The following NDRG2 variants were observed in gnomAD, a reference collection of about 807,000 sequenced individuals.
The protein encoded by NDRG2 is protein NDRG2.
Under a neutral mutation model 58.2 loss-of-function variants are expected in NDRG2, and 34 were observed. That is an observed-to-expected ratio of 0.58 (90% CI 0.44 to 0.78). The LOEUF (loss-of-function observed/expected upper bound fraction) is 0.78. Ranked by LOEUF, NDRG2 falls within the 30% of genes least tolerant of loss-of-function variation. The pLI is 0.00. For missense variants in NDRG2, 434 were observed against 471.2 expected (o/e 0.92, Z 0.73); for synonymous variants, 187 against 175.9 (o/e 1.06, Z -0.50).
At chr14:21,018,937 G>C in intron 11 of NDRG2, 123 bp from the exon 12 acceptor site, 6 of 1,342,462 alleles carry the variant, frequency 4.5e-6, no homozygotes, top group Non-Finnish European at 6.2e-6. Context: ...GTGTCTCCCT[G>C]CTGATGCCAC....
At chr14:21,026,882 AAAGG>A (rs1883704967), upstream of NDRG2, among the ~76,000 whole-genome samples, 1 of 152,186 alleles carries the variant, frequency 6.6e-6, no homozygotes, top group Non-Finnish European at 1.5e-5. Flanking sequence ...GGTCACAGCC[AAAGG>A]TGCGCAAGAC....
intron 1 of NDRG2, among the ~76,000 whole-genome samples, chr14:21,037,914 T>G (rs1474935309): frequency 6.6e-6 from 1 of 152,154 alleles, no homozygotes; most frequent in Non-Finnish European, 1.5e-5. Flanking sequence ...ATAGAACAAC[T>G]GGCTAGGGTG....
At chr14:21,068,318 GA>G (rs34795666) in intron 1 of NDRG2, among the ~76,000 whole-genome samples, 5,045 of 97,302 alleles carry the variant, frequency 0.052, 402 homozygotes, top group African/African-American at 0.068. Context: ...TTTTCTCCAT[GA>G]AAAAAAAAAA....
chr14:21,059,909 C>CACATAT (rs1885870390), intron 1 of NDRG2, among the ~76,000 whole-genome samples: 1 of 152,176 alleles, frequency 6.6e-6, no homozygotes, highest in Non-Finnish European at 1.5e-5. Flanking sequence ...ACATATTATA[C>CACATAT]ACATATACAC....
intron 5 of NDRG2, 36 bp downstream of exon 5, chr14:21,022,026 C>T (rs1321957647): frequency 6.2e-7 from 1 of 1,614,116 alleles, no homozygotes; most frequent in Non-Finnish European, 8.5e-7. Flanking sequence ...TCCTGTTCCT[C>T]ACAGTCTGGT....
intron 1 of NDRG2, among the ~76,000 whole-genome samples, chr14:21,037,522 G>A (rs1481529301): frequency 6.6e-6 from 1 of 152,250 alleles, no homozygotes; most frequent in Admixed American, 6.5e-5. Flanking sequence ...GTCACAACCA[G>A]GAGTTGCTAC....
At chr14:21,042,954 G>A (rs373061810) in intron 1 of NDRG2, 103 of 1,569,380 alleles carry the variant, frequency 6.6e-5, no homozygotes, top group Non-Finnish European at 8.1e-5. Context: ...CTGTCCCAGC[G>A]ACCCCTGCCC....
At chr14:21,025,421 T>C (rs1055902484), upstream of NDRG2, 272 of 985,488 alleles carry the variant, frequency 2.8e-4, no homozygotes, top group Non-Finnish European at 3.1e-4. This position sits in a 1 kb window ranked among gnomAD's most constrained non-coding sequence, Gnocchi z 5.1. Context: ...CTCTGGCTCC[T>C]TCCTTCGCCC....
At chr14:21,040,776 T>C (rs1345271091) in intron 1 of NDRG2, among the ~76,000 whole-genome samples, 1 of 152,218 alleles carries the variant, frequency 6.6e-6, no homozygotes, top group Non-Finnish European at 1.5e-5. Context: ...AATCACAAGT[T>C]CACTCTTATC....
intron 1 of NDRG2, among the ~76,000 whole-genome samples, chr14:21,053,068 A>G (rs1208023797): frequency 6.6e-6 from 1 of 152,212 alleles, no homozygotes; most frequent in African/African-American, 2.4e-5. Context: ...GGGCCTTACA[A>G]GGGGATAATC....
chr14:21,057,410 T>A (rs1252781973), intron 1 of NDRG2, among the ~76,000 whole-genome samples: 1 of 150,954 alleles, frequency 6.6e-6, no homozygotes, highest in Admixed American at 6.6e-5. Context: ...CACTCCAGCA[T>A]GGGCGACAAG....
At chr14:21,032,894 G>A (rs975339700) in intron 1 of NDRG2, 16 of 454,022 alleles carry the variant, frequency 3.5e-5, no homozygotes, top group East Asian at 2.8e-4. Context: ...GAGGGGGCTC[G>A]TGTGCCCTTC....
chr14:21,031,850 G>A (rs373591996), intron 1 of NDRG2: 36 of 1,594,042 alleles, frequency 2.3e-5, no homozygotes, highest in Middle Eastern at 3.3e-4. Context: ...ATATGACAGC[G>A]TAAGGAAAGG....
At chr14:21,027,273 T>C (rs1566483379), upstream of NDRG2, among the ~76,000 whole-genome samples, 2 of 152,184 alleles carry the variant, frequency 1.3e-5, no homozygotes, top group Admixed American at 1.3e-4. Flanking sequence ...ACAATCTCTG[T>C]CTAAACTCTT....
upstream of NDRG2, chr14:21,030,319 T>C (rs571983820): frequency 2.3e-6 from 1 of 443,208 alleles, no homozygotes; most frequent in South Asian, 2.9e-5. Context: ...ATAAAAGAGG[T>C]AGGGGAAAGA....
chr14:21,066,639 T>A (rs990870764), intron 1 of NDRG2, among the ~76,000 whole-genome samples: 7 of 152,152 alleles, frequency 4.6e-5, no homozygotes, highest in Non-Finnish European at 1.0e-4. Context: ...CAGCCTGATT[T>A]ATTTGGATTT....
rs765214875 is a variant in NDRG2 at position 21,033,841 on chromosome 14, C to T, written c.25-10520G>A. On this transcript the variant is annotated intron_variant, in intron 1 of 14. Transcript: ENST00000403829. ...AATTAAATTCCCGAATAGAGACCAG[C>T]GATACCTATTGGATCAGCTTCATAC... 2.9e-5 allele frequency: 46 copies of T among 1,612,176 alleles called. No homozygotes were observed. In the East Asian group the frequency reaches 3.6e-4, roughly 12 times the overall value.
rs746181403 is a variant in NDRG2 at position 21,017,716 on chromosome 14, A to G, written c.996T>C (p.Ser332=). The change falls in exon 16 of 16, where the codon TCT becomes TCC. Residue 332 remains serine (S), a synonymous_variant. Coordinates refer to ENST00000556147, the MANE Select transcript of NDRG2 (RefSeq NM_001320329.2). ...CATCAACGGATGCTGCACTGGTCAGAGAGGCTGTACGAGACCGGGACAGGC... is the reference window on the plus strand; with the variant it reads ...CATCAACGGATGCTGCACTGGTCAGGGAGGCTGTACGAGACCGGGACAGGC... ...MTRLSRSRTA[S]LTSAASVDGN... 5.0e-6 allele frequency: 8 copies of G among 1,605,416 alleles called. No homozygotes were observed. The highest frequency in any genetic ancestry group is 6.0e-6 in the Non-Finnish European group (7 of 1,175,822).
At chr14:21,040,992 T>TTTGC (rs1884867794) in intron 1 of NDRG2, among the ~76,000 whole-genome samples, 1 of 151,742 alleles carries the variant, frequency 6.6e-6, no homozygotes, top group Non-Finnish European at 1.5e-5. Flanking sequence ...TGTTTGTTTG[T>TTTGC]TTGTTTGTTT....
Sources: allele counts gnomAD v4.1 joint callset (sites outside exome capture counted in the v4.1 genomes callset), GRCh38; gene constraint gnomAD v4.1.1; non-coding constraint Gnocchi (gnomAD v3.1); transcripts MANE v1.5; gene names NCBI Gene and HGNC (gene_info 2026-07-23, HGNC 2026-07-21).